The following IHO1 variants were observed in gnomAD, a reference collection of about 807,000 sequenced individuals.
IHO1 encodes interactor of HORMAD1 protein 1.
IHO1 carries 13 observed loss-of-function variants against 31.0 expected under a neutral mutation model. The ratio of observed to expected loss-of-function variants is 0.42; its 90% CI spans 0.27 to 0.67. The LOEUF (loss-of-function observed/expected upper bound fraction) is 0.67. Ranked by LOEUF, IHO1 falls within the 30% of genes least tolerant of loss-of-function variation. The pLI, the probability that IHO1 is intolerant of heterozygous loss-of-function variation, is 0.24. For synonymous variants in IHO1, 221 were observed against 248.4 expected, an observed-to-expected ratio of 0.89 and a Z score of 1.04; for missense variants, 599 against 687.5, an observed-to-expected ratio of 0.87 and a Z score of 1.44.
At chr3:49,240,620 C>CA (rs2046619394) in intron 3 of IHO1, among the ~76,000 whole-genome samples, 1 of 152,156 alleles carries the variant, frequency 6.6e-6, no homozygotes, top group Non-Finnish European at 1.5e-5. Context: ...GCCTCCCAAA[C>CA]AAAGTGTTGG....
In IHO1 at chr3:49,250,091, A is replaced by G. The variant is rs528750143; in HGVS notation, c.533-5299A>G. ...TCTAATGTTTATAGTCAAAGCAAAA[A>G]TGAAATAAATACTCTTCTAGACACA... On this transcript the variant is annotated intron_variant, in intron 6 of 7. Transcript: ENST00000452691. Among the ~76,000 whole-genome samples, 8 of 152,360 alleles carry G rather than the reference A, an allele frequency of 5.3e-5. No homozygotes were observed. In the South Asian group the frequency reaches 1.7e-3, roughly 32 times the overall value.
chr3:49,220,728 C>T (rs943098412), intron 2 of IHO1, among the ~76,000 whole-genome samples: 11 of 152,002 alleles, frequency 7.2e-5, no homozygotes, highest in Non-Finnish European at 1.5e-4. Flanking sequence ...ATTAGCCGGG[C>T]GTGGTGGTGG....
chr3:49,248,576 A>AG (rs1432608242), intron 6 of IHO1, among the ~76,000 whole-genome samples: 1 of 152,090 alleles, frequency 6.6e-6, no homozygotes, highest in East Asian at 1.9e-4. Flanking sequence ...TAAAAAAAAA[A>AG]TACAAAATTA....
chr3:49,247,541 C>T (rs2046709743), intron 6 of IHO1, among the ~76,000 whole-genome samples: 1 of 151,548 alleles, frequency 6.6e-6, no homozygotes, highest in South Asian at 2.1e-4. Flanking sequence ...CTAATCCCAG[C>T]ACTTTGGGAG....
intron 4 of IHO1, among the ~76,000 whole-genome samples, chr3:49,243,614 C>T (rs1478223887): frequency 5.3e-5 from 8 of 151,152 alleles, no homozygotes; most frequent in East Asian, 2.1e-4. Context: ...AAAAATTAGC[C>T]GGGCGTGGTG....
intron 2 of IHO1, among the ~76,000 whole-genome samples, chr3:49,224,983 T>A (rs1196758501): frequency 6.6e-6 from 1 of 152,228 alleles, no homozygotes; most frequent in African/African-American, 2.4e-5. Flanking sequence ...ACAGTGAGAT[T>A]CTTTCCTTGT....
chr3:49,215,362 G>A (rs2046276107), intron 2 of IHO1, among the ~76,000 whole-genome samples: 1 of 152,094 alleles, frequency 6.6e-6, no homozygotes, highest in Non-Finnish European at 1.5e-5. Flanking sequence ...ATAGTTTTAA[G>A]ATATAAATCC....
At chr3:49,253,828 C>CTTT (rs139087366) in intron 6 of IHO1, among the ~76,000 whole-genome samples, 47 of 72,238 alleles carry the variant, frequency 6.5e-4, no homozygotes, top group Non-Finnish European at 8.9e-4. Flanking sequence ...CTTTATTTGT[C>CTTT]TTTTTTTTTT....
At chr3:49,253,931 T>G (rs145555233) in intron 6 of IHO1, among the ~76,000 whole-genome samples, 4 of 149,754 alleles carry the variant, frequency 2.7e-5, no homozygotes, top group Admixed American at 1.4e-4. Context: ...CCTCCCAGGT[T>G]CAAGCAATTC....
At chr3:49,193,420 C>T in the IHO1 span, among the ~76,000 whole-genome samples, 18 of 151,614 alleles carry the variant, frequency 1.2e-4, no homozygotes, top group Admixed American at 7.9e-4. Flanking sequence ...TTGAGTTGGC[C>T]GGGAGCGGTA....
rs2046603771 is a variant in IHO1, at chr3:49,239,573, C to T, written c.232-1653C>T. 3.3e-5 allele frequency among the ~76,000 whole-genome samples: 5 copies of T among 152,166 alleles called. No individual in the cohort carries two copies. The South Asian group carries it at 1.0e-3, about 31-fold the overall frequency. ...GGGATTACAGGCGTGAGCCCCCGTG[C>T]CCAGCTGCACCAGCTAATTTTTATA... On this transcript the variant is annotated intron_variant, in intron 3 of 7. Coordinates refer to ENST00000452691, the MANE Select transcript of IHO1 (RefSeq NM_001135197.2).
chr3:49,238,281 GT>G (rs936760032), intron 3 of IHO1, among the ~76,000 whole-genome samples: 30 of 144,582 alleles, frequency 2.1e-4, no homozygotes, highest in Admixed American at 8.1e-4. Context: ...ACTAAATGTA[GT>G]TTTGTTTTGT....
At chr3:49,217,933 G>T (rs1184114201) in intron 2 of IHO1, among the ~76,000 whole-genome samples, 1 of 152,230 alleles carries the variant, frequency 6.6e-6, no homozygotes, top group Non-Finnish European at 1.5e-5. Flanking sequence ...TCAGTTCCCG[G>T]GTCTGGGTCC....
intron 3 of IHO1, 145 bp from the exon 4 acceptor site, chr3:49,241,081 C>G (rs2046625130): frequency 2.0e-6 from 1 of 506,686 alleles, no homozygotes; most frequent in Admixed American, 4.1e-5. Context: ...CTGGTGTATA[C>G]AAAGATAAAA....
upstream of IHO1, among the ~76,000 whole-genome samples, chr3:49,197,146 A>AT (rs2046003571): frequency 2.0e-4 from 16 of 81,232 alleles, 1 homozygote; most frequent in South Asian, 0.01. Context: ...ACAGCCGGCT[A>AT]ATTTTTTTTT....
chr3:49,207,777 CTT>C (rs11336926), intron 1 of IHO1, among the ~76,000 whole-genome samples: 21 of 142,378 alleles, frequency 1.5e-4, no homozygotes, highest in South Asian at 4.5e-4. Flanking sequence ...TATAATATTT[CTT>C]TTTTTTTTTT....
chr3:49,229,759 C>T (rs1291300817), intron 2 of IHO1, among the ~76,000 whole-genome samples: 2 of 152,172 alleles, frequency 1.3e-5, no homozygotes, highest in Non-Finnish European at 1.5e-5. Context: ...GGTAAAGCCC[C>T]TGAAGTATAT....
intron 2 of IHO1, among the ~76,000 whole-genome samples, chr3:49,230,591 G>T (rs549503674): frequency 6.6e-6 from 1 of 152,260 alleles, no homozygotes; most frequent in African/African-American, 2.4e-5. Context: ...TCATTATATG[G>T]ATGATATATT....
At chr3:49,204,604 T>C (rs374042640) in intron 1 of IHO1, among the ~76,000 whole-genome samples, 6 of 152,312 alleles carry the variant, frequency 3.9e-5, no homozygotes, top group East Asian at 3.9e-4. Flanking sequence ...GATGAAATGA[T>C]GCTTTGTTGG....
Sources: gnomAD v4.1 joint callset for allele counts (sites outside exome capture counted in the v4.1 genomes callset) on GRCh38, gnomAD v4.1.1 for gene constraint, MANE v1.5 for transcripts, NCBI Gene and HGNC (gene_info 2026-07-23, HGNC 2026-07-21) for gene names.